Variants in NTN1 observed in about 807,000 individuals in gnomAD.
NTN1 encodes netrin 1, also known as netrin-1.
In NTN1, 11 loss-of-function variants were observed where a neutral mutation model predicts 54.2. The observed-to-expected ratio is 0.20, with a 90% CI of 0.13 to 0.34. NTN1 has a LOEUF of 0.34. NTN1 is among the 10% of genes least tolerant of loss of function. The pLI is 1.00. For synonymous variants in NTN1, 371 were observed against 382.0 expected (o/e 0.97, Z 0.33); for missense variants, 740 against 893.1 (o/e 0.83, Z 2.18).
intron 2 of NTN1, among the ~76,000 whole-genome samples, chr17:9,161,382 G>A (rs984382788): frequency 1.3e-5 from 2 of 152,204 alleles, no homozygotes; most frequent in Non-Finnish European, 1.5e-5. Flanking sequence ...CATAAAGAGC[G>A]AGAGGCTGAA....
At chr17:9,169,822 A>G (rs372823323) in intron 3 of NTN1, among the ~76,000 whole-genome samples, 6 of 152,166 alleles carry the variant, frequency 3.9e-5, no homozygotes, top group East Asian at 3.8e-4. Context: ...CCGAGATCGC[A>G]CCATTGCACT....
chr17:9,196,574 A>G (rs955963733), intron 5 of NTN1, among the ~76,000 whole-genome samples: 1 of 152,248 alleles, frequency 6.6e-6, no homozygotes, highest in African/African-American at 2.4e-5. Flanking sequence ...GGCATGGTTC[A>G]TGGACCTTGT....
intron 2 of NTN1, among the ~76,000 whole-genome samples, chr17:9,108,698 G>A (rs1267671378): frequency 1.3e-5 from 2 of 152,130 alleles, no homozygotes; most frequent in Non-Finnish European, 2.9e-5. Flanking sequence ...CATCCTTCAA[G>A]GCTCTGGCGC....
Position 9,221,145 on chromosome 17 carries a change from GC to G in NTN1, c.1412-22del. ...GCCAGCCTAATTAGTTTTTGTCTGT[GC>G]TCCCCCCCCACCCCCCTGCAGACTG... On this transcript the variant is annotated intron_variant, in intron 5 of 6. Transcript: ENST00000173229. This position sits in a 1 kb window ranked among gnomAD's most constrained non-coding sequence, Gnocchi z 4.5. 6.6e-7 allele frequency: 1 copy of G among 1,503,980 alleles called. No individual in the cohort carries two copies. The highest frequency in any genetic ancestry group is 1.1e-5 in the South Asian group (1 of 88,782). The allele number at this position is 1,503,980 out of a possible 1,614,324, so 93.2% of individuals were successfully genotyped here.
At chr17:9,030,670 G>A (rs577063201) in intron 2 of NTN1, among the ~76,000 whole-genome samples, 2 of 151,966 alleles carry the variant, frequency 1.3e-5, no homozygotes, top group South Asian at 2.1e-4. Context: ...GCTTGAACCC[G>A]AGAGGCAGAG....
intron 2 of NTN1, among the ~76,000 whole-genome samples, chr17:9,129,623 G>T (rs1446256040): frequency 2.6e-5 from 4 of 152,188 alleles, no homozygotes; most frequent in African/African-American, 7.2e-5. Flanking sequence ...CTCGGCGTCT[G>T]CCTCCCCTGA....
chr17:9,086,268 T>C (rs1428380778), intron 2 of NTN1, among the ~76,000 whole-genome samples: 3 of 152,124 alleles, frequency 2.0e-5, no homozygotes, highest in African/African-American at 7.2e-5. Context: ...CTGGGGAGCC[T>C]GAGGCAGGAG....
intron 2 of NTN1, among the ~76,000 whole-genome samples, chr17:9,102,597 A>T (rs190654296): frequency 5.9e-4 from 90 of 152,364 alleles, no homozygotes; most frequent in African/African-American, 2.0e-3. Context: ...TGCCCATCTT[A>T]TAACGCAGCA....
At chr17:9,094,219 TGGCA>T (rs2092122753) in intron 2 of NTN1, among the ~76,000 whole-genome samples, 1 of 152,214 alleles carries the variant, frequency 6.6e-6, no homozygotes, top group South Asian at 2.1e-4. Flanking sequence ...CATGACTGCT[TGGCA>T]TCTTAGTACA....
intron 2 of NTN1, among the ~76,000 whole-genome samples, chr17:9,091,653 A>T (rs568188898): frequency 6.6e-4 from 100 of 151,696 alleles, no homozygotes; most frequent in African/African-American, 2.4e-3. Context: ...GGGTTTCTCC[A>T]TGTTGGTCAG....
At chr17:9,027,050 A>G (rs2091873686) in intron 2 of NTN1, among the ~76,000 whole-genome samples, 2 of 152,148 alleles carry the variant, frequency 1.3e-5, no homozygotes, top group South Asian at 4.1e-4. Context: ...CATGCTGTCA[A>G]TAGCTCTGGT....
At chr17:9,199,438 G>A (rs576540024) in intron 5 of NTN1, among the ~76,000 whole-genome samples, 13 of 152,236 alleles carry the variant, frequency 8.5e-5, no homozygotes, top group Non-Finnish European at 1.9e-4. Context: ...CATTGCACCC[G>A]GCCCTGCTAT....
At chr17:9,234,768 A>C (rs1905924386) in intron 6 of NTN1, among the ~76,000 whole-genome samples, 1 of 152,164 alleles carries the variant, frequency 6.6e-6, no homozygotes, top group Admixed American at 6.5e-5. Flanking sequence ...CACTTATGAT[A>C]AAACCAGAAG....
At chr17:9,177,673 G>A (rs1248593521) in intron 3 of NTN1, 3 of 152,346 alleles carry the variant, frequency 2.0e-5, no homozygotes, top group South Asian at 2.1e-4. Context: ...TCGCACGGCC[G>A]ACTTAGAGGC....
At chr17:9,173,662 A>C (rs570883465) in intron 3 of NTN1, 102 of 152,500 alleles carry the variant, frequency 6.7e-4, no homozygotes, top group African/African-American at 2.4e-3. Flanking sequence ...TGTCTCCCCC[A>C]GCCCAGGAGG....
rs542060981 is a variant in NTN1, at chr17:9,211,587, C to T, written c.1412-9581C>T. ...AATGGATGATAAATTCCTAGAAGTG[C>T]GGTTGCTGCGTTGGAGTATGCATGT... On this transcript the variant is annotated intron_variant, in intron 5 of 6. Coordinates refer to ENST00000173229, the MANE Select transcript of NTN1 (RefSeq NM_004822.3). The surrounding 1 kb of genome is among the most constrained non-coding windows in gnomAD (Gnocchi z 4.4). Among the ~76,000 whole-genome samples the T allele has an allele frequency of 1.6e-4, 25 of 152,276 alleles. No homozygotes were observed. Among genetic ancestry groups the T allele is most frequent in the African/African-American group, 5.8e-4 (24 of 41,544 alleles).
intron 2 of NTN1, among the ~76,000 whole-genome samples, chr17:9,055,305 T>A (rs921580766): frequency 6.6e-6 from 1 of 152,252 alleles, no homozygotes; most frequent in Non-Finnish European, 1.5e-5. Flanking sequence ...GGCAGAATGC[T>A]AACCGCTGCC....
chr17:9,167,211 G>A (rs184378836), intron 3 of NTN1, among the ~76,000 whole-genome samples: 8 of 152,244 alleles, frequency 5.3e-5, no homozygotes, highest in African/African-American at 9.6e-5. Flanking sequence ...CCTTTTCTCC[G>A]CTGAATGGTC....
chr17:9,214,843 G>C (rs1905182256), intron 5 of NTN1, among the ~76,000 whole-genome samples: 1 of 152,060 alleles, frequency 6.6e-6, no homozygotes, highest in African/African-American at 2.4e-5. Flanking sequence ...CATTTTATTT[G>C]GTTATATTCC....
Sources: gnomAD v4.1 joint callset for allele counts (sites outside exome capture counted in the v4.1 genomes callset) on GRCh38, gnomAD v4.1.1 for gene constraint, Gnocchi (gnomAD v3.1) non-coding constraint, MANE v1.5 for transcripts, NCBI Gene and HGNC (gene_info 2026-07-23, HGNC 2026-07-21) for gene names.